AGAP1: variants seen among roughly 807,000 people sequenced by gnomAD.
AGAP1 encodes the protein ArfGAP with GTPase domain, ankyrin repeat and PH domain 1.
A neutral mutation model predicts 105.3 loss-of-function variants in AGAP1; 29 were observed. The ratio of observed to expected loss-of-function variants is 0.28; its 90% confidence interval spans 0.21 to 0.38. The LOEUF is 0.38. Ranked by LOEUF, AGAP1 falls within the 10% of genes least tolerant of loss-of-function variation. The pLI, the probability that AGAP1 is intolerant of heterozygous loss-of-function variation, is 1.00. For synonymous variants in AGAP1, 509 were observed against 485.9 expected, an observed-to-expected ratio of 1.05 and a Z score of -0.63; for missense variants, 998 against 1,165.1, an observed-to-expected ratio of 0.86 and a Z score of 2.09.
At chr2:235,509,893 TTGCC>T (rs1317053995) in intron 1 of AGAP1, among the ~76,000 whole-genome samples, 16 of 152,022 alleles carry the variant, frequency 1.1e-4, no homozygotes, top group African/African-American at 3.6e-4. Context: ...GCCACTCCCT[TTGCC>T]TTGTGTTACC....
At chr2:235,581,258 G>A (rs1416556715) in intron 1 of AGAP1, among the ~76,000 whole-genome samples, 1 of 150,748 alleles carries the variant, frequency 6.6e-6, no homozygotes, top group Non-Finnish European at 1.5e-5. Flanking sequence ...AGTGAGCTGA[G>A]ATCATGCCAT....
chr2:235,913,777 C>A (rs185976195), intron 11 of AGAP1, among the ~76,000 whole-genome samples: 1 of 152,288 alleles, frequency 6.6e-6, no homozygotes, highest in East Asian at 1.9e-4. Flanking sequence ...ACATCAGGAC[C>A]TCCCGAGGCT....
chr2:235,903,933 C>T (rs755561412), intron 10 of AGAP1, among the ~76,000 whole-genome samples: 6 of 152,120 alleles, frequency 3.9e-5, no homozygotes, highest in African/African-American at 9.7e-5. Flanking sequence ...CACCGAGATA[C>T]TAATGACTCC....
rs201599252 is a variant in AGAP1 at position 235,655,610 on chromosome 2, G to A, written c.164-53569G>A. ...CTGATGAGTTAGTAGCTGTGAAAAC[G>A]TTTCTCTAGCAAGGCTGCCTGTGAG... On this transcript the variant is annotated intron_variant, in intron 1 of 17. Coordinates refer to ENST00000304032, the MANE Select transcript of AGAP1 (RefSeq NM_001037131.3). This position sits in a 1 kb window ranked among gnomAD's most constrained non-coding sequence, Gnocchi z 4.3. Among the ~76,000 whole-genome samples, 19 of 152,332 alleles carry A rather than the reference G, an allele frequency of 1.2e-4. No individual in the cohort carries two copies. The East Asian group carries it at 3.5e-3, about 28-fold the overall frequency.
intron 1 of AGAP1, among the ~76,000 whole-genome samples, chr2:235,661,381 A>C (rs1044728779): frequency 2.0e-5 from 3 of 152,176 alleles, no homozygotes; most frequent in African/African-American, 7.2e-5. Context: ...TCCATTTGCC[A>C]ACTCTGAGCG....
intron 6 of AGAP1, among the ~76,000 whole-genome samples, chr2:235,790,024 C>T (rs1956879724): frequency 6.6e-6 from 1 of 152,096 alleles, no homozygotes; most frequent in Admixed American, 6.6e-5. Flanking sequence ...CAGACTTGTT[C>T]ATAAATGCAG....
At chr2:236,015,975 C>T (rs2056687747) in intron 13 of AGAP1, among the ~76,000 whole-genome samples, 1 of 152,132 alleles carries the variant, frequency 6.6e-6, no homozygotes, top group Non-Finnish European at 1.5e-5. Flanking sequence ...TCACCATCCT[C>T]TTTTTTTCTT....
chr2:235,782,292 A>G (rs1274888290), intron 6 of AGAP1, among the ~76,000 whole-genome samples: 2 of 152,090 alleles, frequency 1.3e-5, no homozygotes. Context: ...CAAAAGAGAA[A>G]TCTGTTTTGA....
At chr2:235,757,266 T>C (rs1954008137) in intron 6 of AGAP1, among the ~76,000 whole-genome samples, 1 of 152,196 alleles carries the variant, frequency 6.6e-6, no homozygotes, top group Non-Finnish European at 1.5e-5. Flanking sequence ...ATCTGCATTA[T>C]TGTGGAGGGA....
At chr2:235,670,592 C>A in intron 1 of AGAP1, 1 of 550,434 alleles carries the variant, frequency 1.8e-6, no homozygotes, top group Non-Finnish European at 3.2e-6. Context: ...TGAGGCGCCG[C>A]AAGGCCGGAC....
chr2:235,816,437 C>CAA (rs79795818), intron 9 of AGAP1, among the ~76,000 whole-genome samples: 266 of 97,888 alleles, frequency 2.7e-3, no homozygotes, highest in East Asian at 0.018. Context: ...GACTCCGTCT[C>CAA]AAAAAAAAAA....
At chr2:235,727,872 A>G (rs1227483860) in intron 3 of AGAP1, among the ~76,000 whole-genome samples, 2 of 152,190 alleles carry the variant, frequency 1.3e-5, no homozygotes, top group Non-Finnish European at 2.9e-5. Context: ...GAGAAAAGAC[A>G]GGGTGGGGGT....
At chr2:235,580,665 T>C (rs530802228) in intron 1 of AGAP1, among the ~76,000 whole-genome samples, 1 of 152,332 alleles carries the variant, frequency 6.6e-6, no homozygotes, top group South Asian at 2.1e-4. Flanking sequence ...TGTTACCTGC[T>C]GATAGCTATC....
intron 15 of AGAP1, 92 bp from the exon 16 acceptor site, chr2:236,048,967 T>G: frequency 8.0e-7 from 1 of 1,244,844 alleles, no homozygotes; most frequent in African/African-American, 1.5e-5. Flanking sequence ...CGTTGTGAAG[T>G]TTGACTGATT....
intron 9 of AGAP1, among the ~76,000 whole-genome samples, chr2:235,862,541 A>G (rs2048970448): frequency 6.6e-6 from 1 of 152,242 alleles, no homozygotes; most frequent in Admixed American, 6.5e-5. Flanking sequence ...TGCAGATGCC[A>G]TCTGCCATCA....
chr2:235,730,660 A>C (rs1297475574), intron 3 of AGAP1, among the ~76,000 whole-genome samples: 1 of 152,066 alleles, frequency 6.6e-6, no homozygotes, highest in African/African-American at 2.4e-5. Flanking sequence ...TTTTATGCTT[A>C]AAATAAATGT....
At chr2:235,861,047 A>G (rs1231488273) in intron 9 of AGAP1, among the ~76,000 whole-genome samples, 4 of 152,176 alleles carry the variant, frequency 2.6e-5, no homozygotes, top group African/African-American at 9.7e-5. Context: ...GCCCACTAAT[A>G]TGTTACAGGA....
In AGAP1 at chr2:235,512,518, T is replaced by G. The variant is rs566493030; in HGVS notation, c.163+17669T>G. 1.7e-4 allele frequency among the ~76,000 whole-genome samples: 26 copies of G among 152,270 alleles called. No individual in the cohort carries two copies. The South Asian group carries it at 5.2e-3, about 30-fold the overall frequency. On this transcript the variant is annotated intron_variant, in intron 1 of 17. Coordinates refer to ENST00000304032, the MANE Select transcript of AGAP1 (RefSeq NM_001037131.3). Reference sequence around the variant, plus strand: ...CTGAGGTGAGAGGATTGCTTGAGCCTAGGAGGTTGAGGCTGCAGTGAGCCA... The same window carrying G: ...CTGAGGTGAGAGGATTGCTTGAGCCGAGGAGGTTGAGGCTGCAGTGAGCCA...
intron 11 of AGAP1, among the ~76,000 whole-genome samples, chr2:235,917,341 A>G (rs1317578335): frequency 1.3e-5 from 2 of 152,166 alleles, no homozygotes; most frequent in Admixed American, 1.3e-4. Flanking sequence ...CACTTCAGCA[A>G]TCAGGACATC....
Sources: gnomAD v4.1 joint callset for allele counts (sites outside exome capture counted in the v4.1 genomes callset) on GRCh38, gnomAD v4.1.1 for gene constraint, Gnocchi (gnomAD v3.1) non-coding constraint, MANE v1.5 for transcripts, NCBI Gene and HGNC (gene_info 2026-07-23, HGNC 2026-07-21) for gene names.